Variants in ATL1 observed in about 807,000 individuals in gnomAD.
The protein encoded by ATL1 is atlastin-1.
Under a neutral mutation model 75.5 loss-of-function variants are expected in ATL1, and 31 were observed. That is an observed-to-expected ratio of 0.41 (90% confidence interval 0.31 to 0.55). ATL1 has a LOEUF of 0.55. ATL1 is among the 20% of genes least tolerant of loss of function. ATL1 has a pLI of 0.27. For synonymous variants in ATL1, 226 were observed against 233.3 expected (o/e 0.97, Z 0.28); for missense variants, 405 against 662.6 (o/e 0.61, Z 4.27).
intron 6 of ATL1, among the ~76,000 whole-genome samples, chr14:50,606,592 A>G (rs1034321727): frequency 1.3e-5 from 2 of 152,086 alleles, no homozygotes. Flanking sequence ...TTTTGTAGGG[A>G]ACCTAAGGCA....
intron 1 of ATL1, among the ~76,000 whole-genome samples, chr14:50,566,587 G>A (rs1203874942): frequency 1.3e-5 from 2 of 152,136 alleles, no homozygotes; most frequent in Non-Finnish European, 2.9e-5. Context: ...TTACCAGTGA[G>A]ATGTGAGCAT....
chr14:50,611,456 G>T (rs1178232140), intron 6 of ATL1, among the ~76,000 whole-genome samples: 2 of 151,976 alleles, frequency 1.3e-5, no homozygotes, highest in Non-Finnish European at 2.9e-5. Flanking sequence ...AACTGCTTTT[G>T]GTTTTATTTC....
intron 6 of ATL1, among the ~76,000 whole-genome samples, chr14:50,611,882 A>G (rs2039369540): frequency 6.6e-6 from 1 of 152,144 alleles, no homozygotes; most frequent in Non-Finnish European, 1.5e-5. Flanking sequence ...GAACATGTGC[A>G]CACTCTCTAC....
intron 6 of ATL1, among the ~76,000 whole-genome samples, chr14:50,596,160 A>AT (rs1379133070): frequency 6.6e-6 from 1 of 152,158 alleles, no homozygotes; most frequent in African/African-American, 2.4e-5. Flanking sequence ...ATAAAAGGTT[A>AT]TTTCACCAGG....
At chr14:50,622,259 TG>T (rs2039474238) in intron 10 of ATL1, among the ~76,000 whole-genome samples, 1 of 152,232 alleles carries the variant, frequency 6.6e-6, no homozygotes, top group Non-Finnish European at 1.5e-5. Flanking sequence ...CCAGGCACGG[TG>T]GCATGTGCCT....
At chr14:50,595,417 A>C (rs1438206911) in intron 5 of ATL1, among the ~76,000 whole-genome samples, 159 bp from the exon 6 acceptor site, 1 of 152,174 alleles carries the variant, frequency 6.6e-6, no homozygotes, top group Admixed American at 6.5e-5. Flanking sequence ...CTTATTTCCT[A>C]AAAATGATTA....
At chr14:50,610,598 C>A (rs983519134) in intron 6 of ATL1, among the ~76,000 whole-genome samples, 3 of 152,110 alleles carry the variant, frequency 2.0e-5, no homozygotes, top group African/African-American at 7.2e-5. Context: ...AAATATAACA[C>A]TAAAGCCAAA....
At chr14:50,585,530 G>A (rs2140199339) in intron 1 of ATL1, among the ~76,000 whole-genome samples, 1 of 152,186 alleles carries the variant, frequency 6.6e-6, no homozygotes, top group East Asian at 1.9e-4. Context: ...GAAATTAGGT[G>A]GTAGGTAGGA....
intron 1 of ATL1, among the ~76,000 whole-genome samples, chr14:50,536,376 T>G (rs1595562094): frequency 6.8e-6 from 1 of 146,404 alleles, no homozygotes; most frequent in Non-Finnish European, 1.5e-5. Context: ...GTAGAGGTTG[T>G]GGTGAGCCAA....
chr14:50,567,966 G>A (rs967476835), intron 1 of ATL1, among the ~76,000 whole-genome samples: 1 of 152,122 alleles, frequency 6.6e-6, no homozygotes, highest in African/African-American at 2.4e-5. Flanking sequence ...TATTGTTGTT[G>A]GCTAGAATGT....
chr14:50,572,363 A>G (rs1241898602), intron 1 of ATL1, among the ~76,000 whole-genome samples: 1 of 152,138 alleles, frequency 6.6e-6, no homozygotes, highest in East Asian at 1.9e-4. Context: ...TAAGATTTTG[A>G]ACTGTTCATT....
At chr14:50,578,287 A>G (rs1358609683) in intron 1 of ATL1, among the ~76,000 whole-genome samples, 13 of 152,104 alleles carry the variant, frequency 8.5e-5, no homozygotes, top group Non-Finnish European at 1.9e-4. Flanking sequence ...TTAATAGACA[A>G]TCTCCCTCCT....
chr14:50,588,161 T>C, intron 2 of ATL1, 83 bp downstream of exon 2: 5 of 1,541,956 alleles, frequency 3.2e-6, no homozygotes, highest in Non-Finnish European at 4.4e-6. Flanking sequence ...TTCAAAATTT[T>C]CATTTCTATT....
chr14:50,573,060 C>T (rs2038968785), intron 1 of ATL1, among the ~76,000 whole-genome samples: 1 of 152,124 alleles, frequency 6.6e-6, no homozygotes, highest in African/African-American at 2.4e-5. Flanking sequence ...CACTCACTAT[C>T]ATGAGAACAG....
chr14:50,566,902 C>T (rs1459111353), intron 1 of ATL1, among the ~76,000 whole-genome samples: 3 of 151,896 alleles, frequency 2.0e-5, no homozygotes, highest in Non-Finnish European at 2.9e-5. Context: ...AAATCGTCTT[C>T]TATATTATCT....
chr14:50,549,688 A>G (rs887290387), intron 1 of ATL1, among the ~76,000 whole-genome samples: 31 of 152,184 alleles, frequency 2.0e-4, no homozygotes, highest in Non-Finnish European at 3.8e-4. Flanking sequence ...CACGATATCC[A>G]ACACTGGGCA....
chr14:50,620,524 A>T (rs755865227), intron 8 of ATL1, 75 bp from the exon 9 acceptor site: 4 of 1,510,280 alleles, frequency 2.6e-6, no homozygotes, highest in Non-Finnish European at 3.6e-6. Flanking sequence ...GGGGAGATCA[A>T]AGGATGTTTT....
intron 6 of ATL1, among the ~76,000 whole-genome samples, chr14:50,601,517 T>G (rs530107632): frequency 6.6e-6 from 1 of 152,210 alleles, no homozygotes; most frequent in African/African-American, 2.4e-5. Flanking sequence ...ACTTTTACCA[T>G]GGCCAATTTC....
intron 1 of ATL1, among the ~76,000 whole-genome samples, chr14:50,581,399 A>C (rs1018687158): frequency 1.3e-5 from 2 of 152,072 alleles, no homozygotes; most frequent in African/African-American, 4.8e-5. Context: ...GACTGATAGT[A>C]ATTAGAAGAT....
Sources: allele counts gnomAD v4.1 joint callset (sites outside exome capture counted in the v4.1 genomes callset), GRCh38; gene constraint gnomAD v4.1.1; transcripts MANE v1.5; gene names NCBI Gene and HGNC (gene_info 2026-07-23, HGNC 2026-07-21).